GMDS: variants seen among roughly 807,000 people sequenced by gnomAD.
GMDS encodes the protein GDP-mannose 4,6-dehydratase, also known as GDP-mannose 4,6 dehydratase.
Under a neutral mutation model 49.9 loss-of-function variants are expected in GMDS, and 20 were observed. That is an observed-to-expected ratio of 0.40 (90% CI 0.28 to 0.58). The LOEUF is 0.58. Ranked by LOEUF, GMDS falls within the 20% of genes least tolerant of loss-of-function variation. GMDS has a pLI of 0.42. For missense variants in GMDS, 362 were observed against 481.4 expected (o/e 0.75, Z 2.32); for synonymous variants, 177 against 178.6 (o/e 0.99, Z 0.07).
intron 1 of GMDS, among the ~76,000 whole-genome samples, chr6:2,162,376 G>A (rs932255417): frequency 9.2e-5 from 14 of 152,068 alleles, no homozygotes; most frequent in African/African-American, 3.1e-4. Context: ...GAACACCAGG[G>A]TTCCACTAAT....
At chr6:2,055,174 A>C (rs1459835391) in intron 4 of GMDS, among the ~76,000 whole-genome samples, 1 of 152,064 alleles carries the variant, frequency 6.6e-6, no homozygotes, top group Non-Finnish European at 1.5e-5. Context: ...ATAGAGAGAA[A>C]ATGTATCAAA....
intron 1 of GMDS, among the ~76,000 whole-genome samples, chr6:2,166,178 A>G (rs1339769706): frequency 6.6e-6 from 1 of 152,242 alleles, no homozygotes; most frequent in Admixed American, 6.5e-5. Flanking sequence ...GACGGTCCCC[A>G]TGCAGAAAAA....
chr6:1,791,474 C>G (rs139665594), intron 7 of GMDS, among the ~76,000 whole-genome samples: 27 of 152,224 alleles, frequency 1.8e-4, no homozygotes, highest in Admixed American at 4.6e-4. Flanking sequence ...GGACACTAAT[C>G]CCATTATGAA....
rs939486171 is a variant in GMDS at position 1,640,864 on chromosome 6, T to C, written c.988-16324A>G. Among the ~76,000 whole-genome samples the C allele has an allele frequency of 3.9e-5, 6 of 152,030 alleles. No homozygotes were observed. The highest frequency in any genetic ancestry group is 1.4e-4 in the African/African-American group (6 of 41,392). On this transcript the variant is annotated intron_variant, in intron 9 of 10. Coordinates refer to ENST00000380815, the MANE Select transcript of GMDS (RefSeq NM_001500.4). The surrounding 1 kb of genome is among the most constrained non-coding windows in gnomAD (Gnocchi z 4.0). ...CGGTACTGTTTAGGCAGAGTTATGA[T>C]TGACAGTGGGGGCTGCCCTGGGTAA...
chr6:1,696,196 A>G (rs989116883), intron 9 of GMDS, among the ~76,000 whole-genome samples: 19 of 152,234 alleles, frequency 1.2e-4, no homozygotes, highest in African/African-American at 4.6e-4. Flanking sequence ...AAATGTAATG[A>G]GACCCTTTGA....
chr6:1,704,827 T>A (rs1420666640), intron 9 of GMDS, among the ~76,000 whole-genome samples: 6 of 151,976 alleles, frequency 3.9e-5, no homozygotes, highest in African/African-American at 1.2e-4. Context: ...TATGACAGCA[T>A]TTGTTCTATT....
chr6:1,930,671 G>A (rs1034354108), intron 6 of GMDS: 1 of 152,724 alleles, frequency 6.5e-6, no homozygotes, highest in South Asian at 2.1e-4. Flanking sequence ...TATTAATAAA[G>A]CTACTTTGGG....
chr6:2,062,239 G>A (rs1161086465), intron 4 of GMDS, among the ~76,000 whole-genome samples: 2 of 152,208 alleles, frequency 1.3e-5, no homozygotes, highest in African/African-American at 4.8e-5. Flanking sequence ...GGGCACCTGA[G>A]AGTCCTGCAT....
chr6:1,926,438 A>G (rs1278908912), intron 7 of GMDS, among the ~76,000 whole-genome samples: 2 of 152,320 alleles, frequency 1.3e-5, no homozygotes, highest in African/African-American at 2.4e-5. Flanking sequence ...CCATACCACC[A>G]TCACACGCTC....
intron 4 of GMDS, among the ~76,000 whole-genome samples, chr6:2,069,586 T>A (rs1287315839): frequency 1.3e-5 from 2 of 151,060 alleles, no homozygotes; most frequent in African/African-American, 4.9e-5. Context: ...AAACAAACAA[T>A]CCCATCAAAA....
intron 7 of GMDS, among the ~76,000 whole-genome samples, chr6:1,777,151 A>G (rs1359013667): frequency 6.6e-6 from 1 of 152,266 alleles, no homozygotes; most frequent in Non-Finnish European, 1.5e-5. Flanking sequence ...GGCATGGGCC[A>G]TACCCCTAAT....
intron 1 of GMDS, among the ~76,000 whole-genome samples, chr6:2,239,060 G>A (rs1781495243): frequency 6.6e-6 from 1 of 152,124 alleles, no homozygotes; most frequent in African/African-American, 2.4e-5. Context: ...CGGGCACGGT[G>A]GCTCACGCCT....
chr6:1,810,359 T>G (rs1445024882), intron 7 of GMDS, among the ~76,000 whole-genome samples: 3 of 152,136 alleles, frequency 2.0e-5, no homozygotes. Context: ...AGTGACTCAC[T>G]GCAACCTCCA....
intron 7 of GMDS, among the ~76,000 whole-genome samples, chr6:1,805,674 CTAA>C (rs1274320854): frequency 2.6e-5 from 4 of 152,144 alleles, no homozygotes; most frequent in African/African-American, 9.7e-5. Context: ...TGCCACTTTA[CTAA>C]TATTTTTGTC....
At chr6:1,946,592 T>C (rs1763084455) in intron 6 of GMDS, among the ~76,000 whole-genome samples, 2 of 152,186 alleles carry the variant, frequency 1.3e-5, no homozygotes. Context: ...CACTTTACAC[T>C]TCTCAATAAG....
At chr6:1,997,135 C>T (rs1441645194) in intron 4 of GMDS, among the ~76,000 whole-genome samples, 1 of 151,864 alleles carries the variant, frequency 6.6e-6, no homozygotes, top group East Asian at 1.9e-4. Flanking sequence ...AAGGTGCTGG[C>T]AGATAGCAAA....
chr6:1,878,933 G>A (rs1047810317), intron 7 of GMDS, among the ~76,000 whole-genome samples: 3 of 152,134 alleles, frequency 2.0e-5, no homozygotes, highest in Non-Finnish European at 2.9e-5. Flanking sequence ...CTCACCACTG[G>A]TGATTATACT....
In GMDS at chr6:2,125,375, CA is replaced by C. The variant is rs529731656; in HGVS notation, c.103-645del. On this transcript the variant is annotated intron_variant, in intron 1 of 10. Coordinates refer to ENST00000380815, the MANE Select transcript of GMDS (RefSeq NM_001500.4). ...AACTCCTGGACACAAGTGATCTTCCCACCGTGGCCTCCCAAACTGTTGTATT... is the reference window on the plus strand; with the variant it reads ...AACTCCTGGACACAAGTGATCTTCCCCCGTGGCCTCCCAAACTGTTGTATT... Among the ~76,000 whole-genome samples, 267 of 152,204 alleles carry C rather than the reference CA, an allele frequency of 1.8e-3. 2 individuals are homozygous for C. The highest frequency in any genetic ancestry group is 2.7e-3 in the Non-Finnish European group (186 of 68,006).
chr6:1,999,452 T>C (rs1189017779), intron 4 of GMDS, among the ~76,000 whole-genome samples: 5 of 151,884 alleles, frequency 3.3e-5, no homozygotes, highest in Non-Finnish European at 7.4e-5. Context: ...GAATTTCAGG[T>C]AGAAGATGGC....
Sources: gnomAD v4.1 joint callset for allele counts (sites outside exome capture counted in the v4.1 genomes callset) on GRCh38, gnomAD v4.1.1 for gene constraint, Gnocchi (gnomAD v3.1) non-coding constraint, MANE v1.5 for transcripts, NCBI Gene and HGNC (gene_info 2026-07-23, HGNC 2026-07-21) for gene names.